ARPP21: variants seen among roughly 807,000 people sequenced by gnomAD.
ARPP21 encodes cAMP-regulated phosphoprotein 21.
ARPP21 carries 69 observed loss-of-function variants against 113.2 expected under a neutral mutation model. The observed-to-expected ratio is 0.61, with a 90% CI of 0.50 to 0.74. The LOEUF (loss-of-function observed/expected upper bound fraction) is 0.74. Among genes scored for constraint, ARPP21 ranks in the 30% least tolerant of loss-of-function variants. ARPP21 has a pLI of 0.00. For synonymous variants in ARPP21, 368 were observed against 375.5 expected (o/e 0.98, Z 0.23); for missense variants, 1,070 against 1,037.4 (o/e 1.03, Z -0.43).
chr3:35,687,831 TA>T lies in ARPP21; in HGVS notation c.359del (p.Asn120ThrfsTer28). ...ACTCTGAAAGAGAAAAAGAAAAGGA[TA>T]AAAACAAAGATAAAACCTCTGAAAA... ...DDSEREKEKD[K>X]NKDKTSEKPK... On this transcript the variant is annotated frameshift_variant, in exon 6 of 21. Coordinates refer to ENST00000684406, the MANE Select transcript of ARPP21 (RefSeq NM_001385562.1). LOFTEE classifies it high-confidence loss of function. 1 of 1,601,588 alleles carries T rather than the reference TA, an allele frequency of 6.2e-7. No individual in the cohort carries two copies. Among genetic ancestry groups the T allele is most frequent in the Non-Finnish European group, 8.5e-7 (1 of 1,174,744 alleles).
intron 19 of ARPP21, among the ~76,000 whole-genome samples, chr3:35,780,211 A>G (rs1387211918): frequency 6.6e-6 from 1 of 152,196 alleles, no homozygotes; most frequent in Non-Finnish European, 1.5e-5. Context: ...CTTTATCAGC[A>G]TCATCAATGA....
chr3:35,667,946 GAAA>G (rs59907935), intron 1 of ARPP21, among the ~76,000 whole-genome samples: 64 of 115,100 alleles, frequency 5.6e-4, no homozygotes, highest in African/African-American at 8.4e-4. Flanking sequence ...AGGAGAAGAA[GAAA>G]AGAAGAAGAA....
chr3:35,720,207 G>T (rs963961305), intron 13 of ARPP21, among the ~76,000 whole-genome samples: 1 of 152,094 alleles, frequency 6.6e-6, no homozygotes, highest in Admixed American at 6.5e-5. Flanking sequence ...TCTTTCACTC[G>T]AAAGCGCTTT....
chr3:35,653,288 A>G (rs1022198506), intron 1 of ARPP21, among the ~76,000 whole-genome samples: 9 of 151,858 alleles, frequency 5.9e-5, no homozygotes, highest in Non-Finnish European at 1.3e-4. Flanking sequence ...AAGTTATTTC[A>G]TCCTTAATTT....
chr3:35,725,948 C>T (rs147017272), intron 14 of ARPP21, among the ~76,000 whole-genome samples: 1 of 152,332 alleles, frequency 6.6e-6, no homozygotes, highest in East Asian at 1.9e-4. Flanking sequence ...AGAAGATGAA[C>T]ATGACCTACA....
chr3:35,693,675 A>C (rs2082929969), intron 9 of ARPP21, among the ~76,000 whole-genome samples: 2 of 151,616 alleles, frequency 1.3e-5, no homozygotes, highest in Admixed American at 1.3e-4. Flanking sequence ...TTAAGTTCTA[A>C]GTGTCTTGGT....
intron 1 of ARPP21, among the ~76,000 whole-genome samples, chr3:35,641,877 A>G (rs1424443418): frequency 6.6e-6 from 1 of 152,180 alleles, no homozygotes; most frequent in Non-Finnish European, 1.5e-5. Context: ...CTTGCTTATC[A>G]ATAGTATTTT....
chr3:35,673,673 AT>A (rs1477820510), intron 1 of ARPP21, among the ~76,000 whole-genome samples: 9 of 152,012 alleles, frequency 5.9e-5, no homozygotes, highest in Admixed American at 3.9e-4. Flanking sequence ...CAACTTAGCA[AT>A]TTTTGTTTGC....
intron 1 of ARPP21, among the ~76,000 whole-genome samples, chr3:35,662,871 C>G (rs548014983): frequency 7.9e-5 from 12 of 152,020 alleles, no homozygotes; most frequent in Non-Finnish European, 1.6e-4. Flanking sequence ...AAATTTTGAT[C>G]ACATGGAGAC....
At position 35,723,801 on chromosome 3, in the gene ARPP21, T is replaced by G. The variant is rs1291543675; in HGVS notation, c.1225+1967T>G. ...ATTAGAGATTGTAAGTGCTTCAGAATTTTTTTTCTTTTAATCTAAGTGTCT... is the reference window on the plus strand; with the variant it reads ...ATTAGAGATTGTAAGTGCTTCAGAAGTTTTTTTCTTTTAATCTAAGTGTCT... On this transcript the variant is annotated intron_variant, in intron 14 of 20. Transcript: ENST00000684406. Among the ~76,000 whole-genome samples the G allele has an allele frequency of 2.0e-5, 3 of 151,990 alleles. No homozygotes were observed. In the East Asian group the frequency reaches 5.8e-4, roughly 29 times the overall value.
At chr3:35,735,091 T>C (rs1559787667) in intron 15 of ARPP21, among the ~76,000 whole-genome samples, 1 of 152,114 alleles carries the variant, frequency 6.6e-6, no homozygotes, top group Non-Finnish European at 1.5e-5. Flanking sequence ...TCTGGGTCAG[T>C]TTTTAAATTC....
intron 5 of ARPP21, among the ~76,000 whole-genome samples, chr3:35,686,087 T>C (rs2149536519): frequency 6.6e-6 from 1 of 151,820 alleles, no homozygotes; most frequent in East Asian, 2.0e-4. Flanking sequence ...ATACAGAGGC[T>C]GGTTGTTTCA....
intron 1 of ARPP21, among the ~76,000 whole-genome samples, chr3:35,670,112 T>A (rs2075952651): frequency 6.6e-6 from 1 of 152,162 alleles, no homozygotes; most frequent in Non-Finnish European, 1.5e-5. Context: ...GTTCTAATAA[T>A]TCACAGAGAT....
chr3:35,743,847 A>G lies in ARPP21; in HGVS notation c.2019A>G (p.Val673=), dbSNP rs1166100948. The change falls in exon 19 of 21, where the codon GTA becomes GTG. Residue 673 remains valine (V), a synonymous_variant. Transcript: ENST00000684406. ...VQQPPPAQMP[V]YYYPSGQYPT... Reference sequence around the variant, plus strand: ...CCTCCTTTCTTCCACAGATGCCTGTATATTATTACCCATCTGGTCAGTACC... The same window carrying G: ...CCTCCTTTCTTCCACAGATGCCTGTGTATTATTACCCATCTGGTCAGTACC... 2 of 1,613,780 alleles carry G rather than the reference A, an allele frequency of 1.2e-6. No homozygotes were observed. Among genetic ancestry groups the G allele is most frequent in the African/African-American group, 1.3e-5 (1 of 74,928 alleles).
chr3:35,733,858 C>T (rs1186149141), intron 15 of ARPP21, among the ~76,000 whole-genome samples: 1 of 152,112 alleles, frequency 6.6e-6, no homozygotes, highest in Non-Finnish European at 1.5e-5. Flanking sequence ...TTTTTCTGTG[C>T]AATTATTTAG....
intron 11 of ARPP21, among the ~76,000 whole-genome samples, chr3:35,713,352 C>T (rs1041939826): frequency 2.6e-5 from 4 of 151,902 alleles, no homozygotes; most frequent in African/African-American, 9.7e-5. Context: ...TTTTTAGGAA[C>T]TTTCCAAAGA....
intron 19 of ARPP21, among the ~76,000 whole-genome samples, chr3:35,764,614 C>T (rs894709264): frequency 3.3e-5 from 5 of 152,144 alleles, no homozygotes; most frequent in South Asian, 2.1e-4. Flanking sequence ...GCATCCCATA[C>T]TTCAGGTGAC....
At chr3:35,712,327 T>C (rs577336325) in intron 11 of ARPP21, among the ~76,000 whole-genome samples, 1 of 152,316 alleles carries the variant, frequency 6.6e-6, no homozygotes, top group South Asian at 2.1e-4. Context: ...TTGGCAATTA[T>C]TATTTAAGCA....
chr3:35,712,512 G>A (rs1321465848), intron 11 of ARPP21, among the ~76,000 whole-genome samples: 1 of 116,014 alleles, frequency 8.6e-6, no homozygotes, highest in Non-Finnish European at 1.8e-5. Flanking sequence ...TGTCTAAGGT[G>A]TCTGTGTGTG....
Sources: allele counts gnomAD v4.1 joint callset (sites outside exome capture counted in the v4.1 genomes callset), GRCh38; gene constraint gnomAD v4.1.1; transcripts MANE v1.5; gene names NCBI Gene and HGNC (gene_info 2026-07-23, HGNC 2026-07-21).